ADAMTSL2: variants seen among roughly 807,000 people sequenced by gnomAD.
The protein encoded by ADAMTSL2 is ADAMTS like 2.
ADAMTSL2 carries 55 observed loss-of-function variants against 117.0 expected under a neutral mutation model. The observed-to-expected ratio is 0.47, with a 90% CI of 0.38 to 0.59. ADAMTSL2 has a LOEUF of 0.59. Among genes scored for constraint, ADAMTSL2 ranks in the 20% least tolerant of loss-of-function variants. The probability of loss-of-function intolerance (pLI) is 0.00; values close to 1 mark genes in which losing one functional copy is unlikely to be tolerated. For synonymous variants in ADAMTSL2, 572 were observed against 566.4 expected (o/e 1.01, Z -0.14); for missense variants, 1,182 against 1,354.5 (o/e 0.87, Z 2.00).
intron 4 of ADAMTSL2, 29 bp from the exon 5 acceptor site, chr9:133,539,742 C>T (rs762769571): frequency 3.3e-5 from 49 of 1,466,638 alleles, no homozygotes; most frequent in Middle Eastern, 3.5e-4. Flanking sequence ...GAGTTCCTCC[C>T]GGAGCCTCCC....
intron 8 of ADAMTSL2, among the ~76,000 whole-genome samples, chr9:133,545,495 C>T (rs1286121098): frequency 6.6e-6 from 1 of 152,232 alleles, no homozygotes; most frequent in Non-Finnish European, 1.5e-5. Flanking sequence ...AGGGCCAGCC[C>T]TCCGTATGTG....
At chr9:133,534,255 G>A (rs563369553), upstream of ADAMTSL2, 1 of 153,772 alleles carries the variant, frequency 6.5e-6, no homozygotes, top group Non-Finnish European at 1.4e-5. Flanking sequence ...TCGTGACCTG[G>A]GGCACGGTCG....
intron 11 of ADAMTSL2, among the ~76,000 whole-genome samples, chr9:133,559,935 C>T (rs1388053869): frequency 1.3e-5 from 2 of 152,224 alleles, no homozygotes; most frequent in Non-Finnish European, 2.9e-5. Flanking sequence ...CCTGGGGCCT[C>T]AGATGTGTGG....
Position 133,544,458 on chromosome 9 carries a change from T to A in ADAMTSL2, c.683-12T>A, listed in dbSNP as rs9802778. The A allele has an allele frequency of 3.1e-6, 5 of 1,611,842 alleles. No individual in the cohort carries two copies. Among genetic ancestry groups the A allele is most frequent in the East Asian group, 2.2e-5 (1 of 44,860 alleles). ...AATCAAGAGGGGCTCACTGTCATCC[T>A]TTTGCCTCCAGGTTACTCTCTGGTG... On this transcript the variant is annotated splice_polypyrimidine_tract_variant and intron_variant, in intron 7 of 18. Transcript: ENST00000651351.
chr9:133,536,658 C>T lies in ADAMTSL2; in HGVS notation c.-55C>T, dbSNP rs769892909. 1 of 1,614,122 alleles carries T rather than the reference C, an allele frequency of 6.2e-7. No homozygotes were observed. Among genetic ancestry groups the T allele is most frequent in the Non-Finnish European group, 8.5e-7 (1 of 1,180,028 alleles). On this transcript the variant is annotated 5_prime_UTR_variant, in exon 2 of 19. Coordinates refer to ENST00000651351, the MANE Select transcript of ADAMTSL2 (RefSeq NM_014694.4). ...GGCTCTTCCCAAAGCGTACCCTGGT[C>T]ATCTGGAAGAGGATCGGAGCTGGCC...
intron 16 of ADAMTSL2, 74 bp downstream of exon 16, chr9:133,569,652 G>A: frequency 1.4e-6 from 2 of 1,432,090 alleles, no homozygotes; most frequent in African/African-American, 1.4e-5. Flanking sequence ...GAGCCAGATG[G>A]CTGGGACCAC....
At position 133,537,412 on chromosome 9, in the gene ADAMTSL2, G is replaced by A. The variant is rs768413043; in HGVS notation, c.98G>A (p.Ser33Asn). The A allele has an allele frequency of 1.5e-6, 2 of 1,342,396 alleles. No homozygotes were observed. The highest frequency in any genetic ancestry group is 5.7e-5 in the Admixed American group (2 of 34,804). The allele number at this position is 1,342,396 out of a possible 1,614,324, so 83.2% of individuals were successfully genotyped here. Reference sequence around the variant, plus strand: ...GGGGTCCCTCTCACCCAGGACAACAGCCCAACATCCAATAGCCTGGAGGGG... The same window carrying A: ...GGGGTCCCTCTCACCCAGGACAACAACCCAACATCCAATAGCCTGGAGGGG... ...DTVSTGSTDN[S>N]PTSNSLEGGT... Residue 33 changes from serine to asparagine, a missense_variant, in exon 3 of 19, where the codon AGC (serine) becomes AAC (asparagine). Around this residue, in one of 3 missense-constraint regions of ADAMTSL2, gnomAD observed 372 missense variants for 463.4 expected, o/e 0.80. Coordinates refer to ENST00000651351, the MANE Select transcript of ADAMTSL2 (RefSeq NM_014694.4).
intron 3 of ADAMTSL2, 105 bp downstream of exon 3, chr9:133,537,652 G>C: frequency 8.2e-7 from 1 of 1,218,870 alleles, no homozygotes; most frequent in Non-Finnish European, 1.0e-6. Flanking sequence ...CCCTGGGAGG[G>C]CTCTCGGGTT....
chr9:133,555,839 G>A lies in ADAMTSL2; in HGVS notation c.1558G>A (p.Asp520Asn). The A allele has an allele frequency of 6.2e-6, 10 of 1,613,576 alleles. No homozygotes were observed. The highest frequency in any genetic ancestry group is 1.1e-5 in the South Asian group (1 of 91,076). ...LNGSYLELSS[D>N]RVANSSSEAP... ...CGGGTCCTACCTGGAGCTGAGCAGCGACAGGGTTGCCAACAGCTCCTCCGA... is the reference window on the plus strand; with the variant it reads ...CGGGTCCTACCTGGAGCTGAGCAGCAACAGGGTTGCCAACAGCTCCTCCGA... The change falls in exon 11 of 19, where the codon GAC becomes AAC. Residue 520 changes from aspartate to asparagine, a missense_variant. Transcript: ENST00000651351.
At chr9:133,561,876 A>G (rs1397071527) in intron 12 of ADAMTSL2, among the ~76,000 whole-genome samples, 2 of 152,208 alleles carry the variant, frequency 1.3e-5, no homozygotes, top group Non-Finnish European at 2.9e-5. Context: ...GACGCTGGCC[A>G]CAGCCGCTAG....
chr9:133,550,397 G>A (rs1324618527), intron 9 of ADAMTSL2, among the ~76,000 whole-genome samples: 1 of 152,190 alleles, frequency 6.6e-6, no homozygotes, highest in Non-Finnish European at 1.5e-5. Flanking sequence ...CAGGCCCAGT[G>A]GATCTCACAG....
At chr9:133,574,156 G>A (rs2131192925) in intron 18 of ADAMTSL2, among the ~76,000 whole-genome samples, 169 bp downstream of exon 18, 1 of 152,302 alleles carries the variant, frequency 6.6e-6, no homozygotes, top group South Asian at 2.1e-4. Flanking sequence ...GCATGGCCGA[G>A]CCCCACTGGG....
In ADAMTSL2 at chr9:133,538,367, C is replaced by A. The variant is rs757779174; in HGVS notation, c.252C>A (p.Gly84=). The change falls in exon 4 of 19, where the codon GGC becomes GGA. Residue 84 remains glycine, a synonymous_variant. Coordinates refer to ENST00000651351, the MANE Select transcript of ADAMTSL2 (RefSeq NM_014694.4). ...CLQQRRKSVP[G]PGNRTCTGTS... is the part of the protein sequence containing the mutation. ...CTGCCAGGAGGAAGTCCGTCCCGGGCCCCGGGAACAGGACCTGCACGGGCA... is the reference window on the plus strand; with the variant it reads ...CTGCCAGGAGGAAGTCCGTCCCGGGACCCGGGAACAGGACCTGCACGGGCA... 1 of 1,613,356 alleles carries A rather than the reference C, an allele frequency of 6.2e-7. No individual in the cohort carries two copies. The highest frequency in any genetic ancestry group is 8.5e-7 in the Non-Finnish European group (1 of 1,180,024).
At chr9:133,548,446 C>CA (rs1250439661) in intron 9 of ADAMTSL2, among the ~76,000 whole-genome samples, 1 of 152,036 alleles carries the variant, frequency 6.6e-6, no homozygotes, top group Non-Finnish European at 1.5e-5. Context: ...CTCCTGGCTG[C>CA]AGGGGCTGTT....
chr9:133,538,596 C>T (rs773793622), intron 4 of ADAMTSL2, among the ~76,000 whole-genome samples, 172 bp downstream of exon 4: 11 of 151,390 alleles, frequency 7.3e-5, no homozygotes, highest in South Asian at 6.3e-4. Context: ...TGGGCTAGTA[C>T]GGAGCCATCC....
chr9:133,553,999 GA>G (rs1189926487), intron 9 of ADAMTSL2, among the ~76,000 whole-genome samples: 1 of 152,248 alleles, frequency 6.6e-6, no homozygotes, highest in African/African-American at 2.4e-5. Context: ...ATGGTGAGAA[GA>G]AAATGCAGGC....
chr9:133,548,343 C>T (rs1021496094), intron 9 of ADAMTSL2, among the ~76,000 whole-genome samples: 2 of 152,204 alleles, frequency 1.3e-5, no homozygotes, highest in Non-Finnish European at 2.9e-5. Flanking sequence ...CTGGTGACCC[C>T]GGAATCAAAT....
At chr9:133,544,983 GC>G (rs1353752467) in intron 8 of ADAMTSL2, among the ~76,000 whole-genome samples, 5 of 150,094 alleles carry the variant, frequency 3.3e-5, no homozygotes, top group African/African-American at 4.8e-5. Context: ...GGGGTCTCAT[GC>G]TGATGTTCTT....
At chr9:133,569,660 C>CACAAA in intron 16 of ADAMTSL2, 82 bp downstream of exon 16, 1 of 1,362,958 alleles carries the variant, frequency 7.3e-7, no homozygotes, top group Non-Finnish European at 1.0e-6. Flanking sequence ...TGGCTGGGAC[C>CACAAA]ACAGATGGGT....
Sources: allele counts gnomAD v4.1 joint callset (sites outside exome capture counted in the v4.1 genomes callset), GRCh38; gene constraint gnomAD v4.1.1; regional missense constraint gnomAD v4.1.1; transcripts MANE v1.5; gene names NCBI Gene and HGNC (gene_info 2026-07-23, HGNC 2026-07-21).